Variants in DSTYK observed in about 807,000 individuals in gnomAD.
The protein encoded by DSTYK is RIP-homologous kinase.
A neutral mutation model predicts 98.7 loss-of-function variants in DSTYK; 34 were observed. The observed-to-expected ratio is 0.34, with a 90% CI of 0.26 to 0.46. DSTYK has a LOEUF of 0.46. Ranked by LOEUF, DSTYK falls within the 20% of genes least tolerant of loss-of-function variation. The pLI is 1.00. For missense variants in DSTYK, 962 were observed against 1,181.7 expected (o/e 0.81, Z 2.73); for synonymous variants, 462 against 457.3 (o/e 1.01, Z -0.13).
At chr1:205,165,250 G>A (rs1009480354) in intron 3 of DSTYK, among the ~76,000 whole-genome samples, 12 of 151,850 alleles carry the variant, frequency 7.9e-5, no homozygotes, top group African/African-American at 1.9e-4. Flanking sequence ...CCACCACCAC[G>A]CCAGACTAAT....
intron 1 of DSTYK, among the ~76,000 whole-genome samples, chr1:205,206,260 C>A (rs1470248436): frequency 6.6e-6 from 1 of 151,562 alleles, no homozygotes; most frequent in Non-Finnish European, 1.5e-5. Flanking sequence ...TTAGCAGGCA[C>A]TGGTTTTTTT....
intron 10 of DSTYK, among the ~76,000 whole-genome samples, chr1:205,155,665 T>A (rs1172232697): frequency 6.7e-6 from 1 of 148,848 alleles, no homozygotes; most frequent in African/African-American, 2.5e-5. Context: ...CTCAAAAAAA[T>A]TTTTAAAAAA....
intron 1 of DSTYK, among the ~76,000 whole-genome samples, chr1:205,200,238 A>G (rs929763677): frequency 1.3e-5 from 2 of 152,084 alleles, no homozygotes; most frequent in African/African-American, 4.8e-5. Context: ...AGGTTTCACC[A>G]TGTTGGCCAG....
intron 2 of DSTYK, among the ~76,000 whole-genome samples, chr1:205,184,228 A>G (rs1045541744): frequency 4.0e-5 from 6 of 151,850 alleles, no homozygotes; most frequent in Non-Finnish European, 8.8e-5. Context: ...TGACTTTCTT[A>G]TATCACCTCA....
intron 10 of DSTYK, among the ~76,000 whole-genome samples, chr1:205,151,615 C>T (rs1259392279): frequency 6.6e-6 from 1 of 151,348 alleles, no homozygotes; most frequent in Non-Finnish European, 1.5e-5. Flanking sequence ...TAGTTGTATG[C>T]CACCATGCCT....
At position 205,159,570 on chromosome 1, in the gene DSTYK, G is replaced by C. The variant is rs114762711; in HGVS notation, c.2215C>G (p.Arg739Gly). The C allele has an allele frequency of 6.3e-7, 1 of 1,575,850 alleles. No individual in the cohort carries two copies. The highest frequency in any genetic ancestry group is 1.4e-5 in the African/African-American group (1 of 72,088). ...AVLLIMERLH[R>G]DLYTGLKAGL... is the part of the protein sequence containing the mutation. Reference sequence around the variant, plus strand: ...ACCTTCAGCCCTGTGTAGAGATCCCGGTGTAGCCGCTCCATAATGAGGAGC... The same window carrying C: ...ACCTTCAGCCCTGTGTAGAGATCCCCGTGTAGCCGCTCCATAATGAGGAGC... The change falls in exon 9 of 13, where the codon CGG (arginine) becomes GGG (glycine). Residue 739 changes from arginine to glycine, a missense_variant. Physicochemically the swap from Arg to Gly is moderately radical, Grantham distance 125. Transcript: ENST00000367162.
intron 3 of DSTYK, among the ~76,000 whole-genome samples, chr1:205,166,795 C>T (rs1348391424): frequency 4.6e-5 from 7 of 152,176 alleles, no homozygotes; most frequent in Non-Finnish European, 1.0e-4. Flanking sequence ...AATCAGGCAA[C>T]CTATGTTTGC....
At chr1:205,205,946 T>G (rs1659185828) in intron 1 of DSTYK, among the ~76,000 whole-genome samples, 1 of 152,254 alleles carries the variant, frequency 6.6e-6, no homozygotes, top group Admixed American at 6.5e-5. Context: ...ATTCTGCTTT[T>G]TTATGTACGT....
At chr1:205,155,829 C>T (rs1336943192) in intron 10 of DSTYK, among the ~76,000 whole-genome samples, 1 of 152,186 alleles carries the variant, frequency 6.6e-6, no homozygotes, top group Non-Finnish European at 1.5e-5. Flanking sequence ...GCAGCCCCTC[C>T]TATGACAGGC....
In DSTYK at chr1:205,169,516, C is replaced by A; in HGVS notation, c.971G>T (p.Gly324Val). 7.4e-6 allele frequency: 12 copies of A among 1,614,134 alleles called. No homozygotes were observed. The highest frequency in any genetic ancestry group is 9.3e-6 in the Non-Finnish European group (11 of 1,180,030). Reference protein sequence around the residue: ...SSSHWNCGAPGQDTKAQSMLV... With the variant: ...SSSHWNCGAPVQDTKAQSMLV... ...CATGCTCTGAGCTTTAGTATCCTGG[C>A]CAGGAGCCCCACAGTTCCAGTGACT... Residue 324 changes from glycine to valine, a missense_variant, in exon 3 of 13, where the codon GGC (glycine) becomes GTC (valine). Coordinates refer to ENST00000367162, the MANE Select transcript of DSTYK (RefSeq NM_015375.3). The surrounding 1 kb of genome is among the most constrained non-coding windows in gnomAD (Gnocchi z 4.0).
At chr1:205,168,930 A>T (rs1657968604) in intron 3 of DSTYK, among the ~76,000 whole-genome samples, 1 of 152,208 alleles carries the variant, frequency 6.6e-6, no homozygotes, top group Non-Finnish European at 1.5e-5. Flanking sequence ...TGAATTTACC[A>T]AAAGTTGAGC....
chr1:205,198,577 T>G (rs1161317658), intron 1 of DSTYK, among the ~76,000 whole-genome samples: 1 of 152,188 alleles, frequency 6.6e-6, no homozygotes, highest in Non-Finnish European at 1.5e-5. Flanking sequence ...TATGGAATAT[T>G]CCTAAAACGT....
rs1250396979 is a variant in DSTYK, at chr1:205,144,381, A to G, written c.*3177T>C. On this transcript the variant is annotated 3_prime_UTR_variant, in exon 13 of 13. Coordinates refer to ENST00000367162, the MANE Select transcript of DSTYK (RefSeq NM_015375.3). Reference sequence around the variant, plus strand: ...GGGAACACATACAACCAAAGCTGGGAGGTAAAATCTTTAGGACTTTGGTCA... The same window carrying G: ...GGGAACACATACAACCAAAGCTGGGGGGTAAAATCTTTAGGACTTTGGTCA... 3 of 152,640 alleles carry G rather than the reference A, an allele frequency of 2.0e-5. No homozygotes were observed. The highest frequency in any genetic ancestry group is 7.2e-5 in the African/African-American group (3 of 41,448). The allele number at this position is 152,640 out of a possible 1,614,324, so 9.5% of individuals were successfully genotyped here. A position where few individuals can be genotyped will look rare whatever the true frequency, so the allele number is the denominator to read the frequency against.
At position 205,161,276 on chromosome 1, in the gene DSTYK, G is replaced by A. The variant is rs1657709808; in HGVS notation, c.1930C>T (p.Gln644Ter). Residue 644 changes from glutamine (Q) to a stop codon, truncating the protein, a stop_gained, in exon 7 of 13, where the codon CAG (glutamine) becomes TAG (stop). Transcript: ENST00000367162. LOFTEE classifies it high-confidence loss of function. ...ARLSLESCSL[Q>*]DVLLHRKPKL... is the part of the protein sequence containing the mutation. ...GACTCACGATGAAGCAAGACATCCT[G>A]TAAAGAACAGCTTTCCAGAGAAAGG... The A allele has an allele frequency of 6.2e-7, 1 of 1,614,124 alleles. No homozygotes were observed. The highest frequency in any genetic ancestry group is 8.5e-7 in the Non-Finnish European group (1 of 1,179,980).
At chr1:205,186,392 A>G (rs1658558902) in intron 2 of DSTYK, among the ~76,000 whole-genome samples, 1 of 152,230 alleles carries the variant, frequency 6.6e-6, no homozygotes, top group Non-Finnish European at 1.5e-5. Flanking sequence ...GGACTGTGGA[A>G]GGAAATGAGA....
Position 205,169,610 on chromosome 1 carries a change from T to C in DSTYK, c.877A>G (p.Thr293Ala). The C allele has an allele frequency of 6.2e-7, 1 of 1,614,238 alleles. No individual in the cohort carries two copies. Among genetic ancestry groups the C allele is most frequent in the Non-Finnish European group, 8.5e-7 (1 of 1,180,034 alleles). ...KLGSEIIDSSTRRMESERSPL... is the reference protein window; with the variant it reads ...KLGSEIIDSSARRMESERSPL... ...GATCTTTCGCTCTCCATTCTCCTGG[T>C]TGAGGAGTCTATTATCTCCGAGCCC... Residue 293 changes from threonine (T) to alanine (A), a missense_variant, in exon 3 of 13, where the codon ACC (threonine) becomes GCC (alanine). This residue lies in a region of DSTYK where 660 missense variants were observed against 855.0 expected (regional missense o/e 0.77). Coordinates refer to ENST00000367162, the MANE Select transcript of DSTYK (RefSeq NM_015375.3). The surrounding 1 kb of genome is among the most constrained non-coding windows in gnomAD (Gnocchi z 4.0).
chr1:205,211,645 C>A lies in DSTYK; in HGVS notation c.-110G>T. 1 of 1,363,166 alleles carries A rather than the reference C, an allele frequency of 7.3e-7. No homozygotes were observed. The allele number at this position is 1,363,166 out of a possible 1,614,324, so 84.4% of individuals were successfully genotyped here. ...GGAGGAATCCGCCTCCTGACGCCCC[C>A]GCCTGCAGTCAGCCTGGCTCCCAAC... is the stretch of plus-strand genomic sequence containing the variant. On this transcript the variant is annotated 5_prime_UTR_variant, in exon 1 of 13. Transcript: ENST00000367162.
At chr1:205,197,010 C>T (rs1658886958) in intron 1 of DSTYK, among the ~76,000 whole-genome samples, 1 of 151,772 alleles carries the variant, frequency 6.6e-6, no homozygotes, top group African/African-American at 2.4e-5. Flanking sequence ...GGTGATCCAC[C>T]CGCCATGGCC....
chr1:205,147,334 G>A lies in DSTYK; in HGVS notation c.*224C>T. ...TTTTACACATCTGAGACACTTTTTT[G>A]CTAAAGGGATAGCTTGGCGCTTCAG... On this transcript the variant is annotated 3_prime_UTR_variant, in exon 13 of 13. Transcript: ENST00000367162. 1 of 419,378 alleles carries A rather than the reference G, an allele frequency of 2.4e-6. No homozygotes were observed. The highest frequency in any genetic ancestry group is 7.0e-5 in the South Asian group (1 of 14,220). The allele number at this position is 419,378 out of a possible 1,614,324, so 26.0% of individuals were successfully genotyped here. A position where few individuals can be genotyped will look rare whatever the true frequency, so the allele number is the denominator to read the frequency against.
Sources: allele counts gnomAD v4.1 joint callset (sites outside exome capture counted in the v4.1 genomes callset), GRCh38; gene constraint gnomAD v4.1.1; regional missense constraint gnomAD v4.1.1; non-coding constraint Gnocchi (gnomAD v3.1); transcripts MANE v1.5; gene names NCBI Gene and HGNC (gene_info 2026-07-23, HGNC 2026-07-21).